The following RIMBP2 variants were observed in gnomAD, a reference collection of about 807,000 sequenced individuals.
RIMBP2 encodes the protein RIMS binding protein 2.
A neutral mutation model predicts 118.6 loss-of-function variants in RIMBP2; 48 were observed. That is an observed-to-expected ratio of 0.40 (90% CI 0.32 to 0.51). The LOEUF is 0.51. Ranked by LOEUF, RIMBP2 falls within the 20% of genes least tolerant of loss-of-function variation. The pLI is 0.41. For synonymous variants in RIMBP2, 762 were observed against 742.9 expected (o/e 1.03, Z -0.42); for missense variants, 1,551 against 1,768.3 (o/e 0.88, Z 2.20).
chr12:130,487,918 G>A (rs2082620561), intron 4 of RIMBP2, among the ~76,000 whole-genome samples: 1 of 152,100 alleles, frequency 6.6e-6, no homozygotes, highest in African/African-American at 2.4e-5. Flanking sequence ...CCTCCCACAT[G>A]ACTCTGCAGC....
intron 4 of RIMBP2, among the ~76,000 whole-genome samples, chr12:130,489,170 C>G (rs747801547): frequency 2.0e-5 from 3 of 152,156 alleles, no homozygotes; most frequent in Non-Finnish European, 2.9e-5. Flanking sequence ...TAACTTTTAC[C>G]CTTGTCTCTG....
intron 2 of RIMBP2, among the ~76,000 whole-genome samples, chr12:130,538,259 T>C (rs1270439640): frequency 6.6e-6 from 1 of 152,138 alleles, no homozygotes; most frequent in Non-Finnish European, 1.5e-5. Flanking sequence ...AGTGCATTCT[T>C]CTTTCTATAT....
rs2064876499 is a variant in RIMBP2 at position 130,683,124 on chromosome 12, G to C, written c.-352+33098C>G. 6.6e-6 allele frequency among the ~76,000 whole-genome samples: 1 copy of C among 152,196 alleles called. No individual in the cohort carries two copies. Among genetic ancestry groups the C allele is most frequent in the South Asian group, 2.1e-4 (1 of 4,828 alleles). Reference sequence around the variant, plus strand: ...GTCTGTGCAGGTATAATTAAGGTAAGGGTAGAGATGAGATCCAGGGGGGTT... The same window carrying C: ...GTCTGTGCAGGTATAATTAAGGTAACGGTAGAGATGAGATCCAGGGGGGTT... On this transcript the variant is annotated intron_variant, in intron 1 of 22. Transcript: ENST00000690449. The surrounding 1 kb of genome is among the most constrained non-coding windows in gnomAD (Gnocchi z 4.4).
Position 130,447,742 on chromosome 12 carries a change from G to A in RIMBP2, c.581+2458C>T, listed in dbSNP as rs929251661. The stretch of plus-strand genomic sequence containing the variant: ...ATGTGTCAGCCTCACCCTGGACCTC[G>A]GGTGGGAAGGACCCAGGAGCCCTCA... On this transcript the variant is annotated intron_variant, in intron 9 of 22. Transcript: ENST00000690449. The surrounding 1 kb of genome is among the most constrained non-coding windows in gnomAD (Gnocchi z 4.4). Among the ~76,000 whole-genome samples, 4 of 152,150 alleles carry A rather than the reference G, an allele frequency of 2.6e-5. No individual in the cohort carries two copies. Among genetic ancestry groups the A allele is most frequent in the Non-Finnish European group, 4.4e-5 (3 of 68,018 alleles).
chr12:130,524,351 G>A (rs553242627), intron 2 of RIMBP2, among the ~76,000 whole-genome samples: 17 of 149,544 alleles, frequency 1.1e-4, no homozygotes, highest in South Asian at 2.1e-4. Context: ...AAGCAGAGCC[G>A]AGCCAGGCCA....
At chr12:130,556,046 G>A (rs2056322400) in intron 2 of RIMBP2, among the ~76,000 whole-genome samples, 1 of 152,230 alleles carries the variant, frequency 6.6e-6, no homozygotes, top group East Asian at 1.9e-4. Flanking sequence ...GGGAGGAGGA[G>A]AGGAAATGAA....
At position 130,511,412 on chromosome 12, in the gene RIMBP2, G is replaced by A. The variant is rs1023895852; in HGVS notation, c.-126-4642C>T. On this transcript the variant is annotated intron_variant, in intron 3 of 22. Transcript: ENST00000690449. The surrounding 1 kb of genome is among the most constrained non-coding windows in gnomAD (Gnocchi z 4.3). ...GCTAAACAGCAGTCCTCGTTACCGC[G>A]AGCACGCGTCGAATTGTCACTCTAC... Among the ~76,000 whole-genome samples the A allele has an allele frequency of 4.6e-5, 7 of 152,182 alleles. No individual in the cohort carries two copies. Among genetic ancestry groups the A allele is most frequent in the Admixed American group, 1.3e-4 (2 of 15,280 alleles).
intron 4 of RIMBP2, among the ~76,000 whole-genome samples, chr12:130,504,990 A>G (rs1379080395): frequency 6.6e-6 from 1 of 152,096 alleles, no homozygotes; most frequent in African/African-American, 2.4e-5. Flanking sequence ...CCTCCCAGGG[A>G]TTCACGGCAC....
intron 2 of RIMBP2, among the ~76,000 whole-genome samples, chr12:130,552,892 C>T (rs771637477): frequency 7.2e-5 from 11 of 152,120 alleles, no homozygotes; most frequent in Admixed American, 2.6e-4. Flanking sequence ...GTGGCTCACA[C>T]CTATAATCCC....
At chr12:130,540,507 A>G (rs1200429363) in intron 2 of RIMBP2, among the ~76,000 whole-genome samples, 1 of 152,130 alleles carries the variant, frequency 6.6e-6, no homozygotes, top group East Asian at 1.9e-4. Flanking sequence ...CTTTCTCAGG[A>G]AACCGACCAT....
At chr12:130,438,335 ACCCT>A in intron 12 of RIMBP2, 26 bp downstream of exon 12, 117 of 864,772 alleles carry the variant, frequency 1.4e-4, no homozygotes, top group Middle Eastern at 2.3e-4. Context: ...GGCCTAACAA[ACCCT>A]CCCCACCCAC....
intron 2 of RIMBP2, among the ~76,000 whole-genome samples, chr12:130,595,703 G>C (rs1224962485): frequency 2.0e-5 from 3 of 152,166 alleles, no homozygotes; most frequent in African/African-American, 7.2e-5. Context: ...TCACAGCAGA[G>C]GGAAGGAAGG....
chr12:130,485,913 C>T (rs1374151689), intron 4 of RIMBP2, among the ~76,000 whole-genome samples: 2 of 152,200 alleles, frequency 1.3e-5, no homozygotes, highest in Admixed American at 6.5e-5. Flanking sequence ...TACAAAGCAG[C>T]TGTCAGAAAG....
chr12:130,639,341 A>G (rs980666857), intron 1 of RIMBP2, among the ~76,000 whole-genome samples: 2 of 149,844 alleles, frequency 1.3e-5, no homozygotes, highest in Admixed American at 1.3e-4. Flanking sequence ...TTGAGCCAAG[A>G]TCACGCCATT....
chr12:130,514,382 C>A (rs534524443), intron 3 of RIMBP2, among the ~76,000 whole-genome samples: 2 of 152,232 alleles, frequency 1.3e-5, no homozygotes, highest in Admixed American at 6.5e-5. Context: ...GCAGGGATGT[C>A]AAGCTGCACT....
chr12:130,485,783 G>A (rs976834250), intron 4 of RIMBP2, among the ~76,000 whole-genome samples: 5 of 152,256 alleles, frequency 3.3e-5, no homozygotes, highest in South Asian at 2.1e-4. Context: ...AAGGGGTGGC[G>A]GATGCTATGC....
intron 7 of RIMBP2, 114 bp from the exon 8 acceptor site, chr12:130,451,454 T>C (rs1011598662): frequency 2.3e-5 from 27 of 1,178,166 alleles, no homozygotes; most frequent in Non-Finnish European, 2.9e-5. Flanking sequence ...AGCCACTGAT[T>C]TTCATTTTGG....
intron 2 of RIMBP2, among the ~76,000 whole-genome samples, chr12:130,559,057 T>C (rs1461634914): frequency 6.6e-6 from 1 of 152,200 alleles, no homozygotes; most frequent in Non-Finnish European, 1.5e-5. Context: ...TAATAGACAA[T>C]AAGTGTATGT....
intron 1 of RIMBP2, among the ~76,000 whole-genome samples, chr12:130,646,321 CTCCACCT>C (rs2062946375): frequency 1.7e-5 from 2 of 118,968 alleles, no homozygotes; most frequent in Admixed American, 1.7e-4. Context: ...CCACTTCCCT[CTCCACCT>C]GCCTCACCAC....
Sources: allele counts gnomAD v4.1 joint callset (sites outside exome capture counted in the v4.1 genomes callset), GRCh38; gene constraint gnomAD v4.1.1; non-coding constraint Gnocchi (gnomAD v3.1); transcripts MANE v1.5; gene names NCBI Gene and HGNC (gene_info 2026-07-23, HGNC 2026-07-21).